Variants in DNHD1 observed in about 807,000 individuals in gnomAD.
DNHD1 encodes the protein dynein heavy chain domain 1.
A neutral mutation model predicts 458.1 loss-of-function variants in DNHD1; 383 were observed. The ratio of observed to expected loss-of-function variants is 0.84; its 90% CI spans 0.77 to 0.91. DNHD1 has a LOEUF of 0.91. DNHD1 is among the 40% of genes least tolerant of loss of function. The pLI is 0.00. For synonymous variants in DNHD1, 2,203 were observed against 2,376.9 expected (o/e 0.93, Z 2.13); for missense variants, 5,336 against 5,866.1 (o/e 0.91, Z 2.95).
At position 6,556,973 on chromosome 11, in the gene DNHD1, G is replaced by T. The variant is rs1239694140; in HGVS notation, c.7678G>T (p.Ala2560Ser). ...FPSVERERAL[A>S]RGLVRASVEA... ...TTCTGTGGAACGGGAGCGTGCTCTG[G>T]CACGAGGTCTGGTTAGGGCCTCAGT... The change falls in exon 25 of 43, where the codon GCA (alanine) becomes TCA (serine). Residue 2560 changes from alanine (A) to serine (S), a missense_variant. Transcript: ENST00000254579. The T allele has an allele frequency of 6.4e-7, 1 of 1,551,592 alleles. No individual in the cohort carries two copies. Among genetic ancestry groups the T allele is most frequent in the East Asian group, 2.4e-5 (1 of 40,922 alleles).
At position 6,564,481 on chromosome 11, in the gene DNHD1, G is replaced by A. The variant is rs1347185393; in HGVS notation, c.10433G>A (p.Gly3478Asp). Residue 3478 changes from glycine to aspartate, a missense_variant, in exon 32 of 43, where the codon GGC becomes GAC. Transcript: ENST00000254579. ...ALCRGFQEALGPDDVAQALKR... is the reference protein window; with the variant it reads ...ALCRGFQEALDPDDVAQALKR... ...TGTAGGGGCTTTCAGGAGGCTCTGG[G>A]CCCAGATGATGTGGCACAGGCACTG... The A allele has an allele frequency of 1.0e-5, 16 of 1,551,548 alleles. No individual in the cohort carries two copies. The highest frequency in any genetic ancestry group is 1.4e-5 in the Non-Finnish European group (16 of 1,146,988).
intron 7 of DNHD1, among the ~76,000 whole-genome samples, chr11:6,512,279 G>A (rs1852355616): frequency 7.5e-6 from 1 of 132,660 alleles, no homozygotes; most frequent in Non-Finnish European, 1.5e-5. Context: ...GGAGTGCAGT[G>A]GCGGGATCTC....
rs192411477 is a variant in DNHD1 at position 6,538,808 on chromosome 11, G to A, written c.3323G>A (p.Arg1108His). The A allele has an allele frequency of 4.1e-4, 612 of 1,504,446 alleles. 8 individuals are homozygous for A. In the East Asian group the frequency reaches 0.014, roughly 35 times the overall value. 93.2% of individuals were successfully genotyped at this position (1,504,446 alleles called of 1,614,324 possible). ...PQSLNCQCLL[R>H]ALGLGSLQTI... ...AGCCTCAACTGCCAGTGTCTCCTGC[G>A]TGGTATGTTTGGTTAATGTCAGAGG... The change falls in exon 16 of 43, where the codon CGT (arginine) becomes CAT (histidine). Residue 1108 changes from arginine to histidine, a missense_variant and splice_region_variant. By Grantham distance (29) the Arg-to-His change is conservative. Around this residue, in one of 4 missense-constraint regions of DNHD1, gnomAD observed 3,932 missense variants for 4,365.6 expected, o/e 0.90. Transcript: ENST00000254579.
intron 7 of DNHD1, among the ~76,000 whole-genome samples, chr11:6,512,444 G>T (rs185632168): frequency 6.6e-6 from 1 of 151,626 alleles, no homozygotes; most frequent in Admixed American, 6.6e-5. Context: ...GGATGGTCTT[G>T]ATCTCCTGAC....
intron 28 of DNHD1, among the ~76,000 whole-genome samples, chr11:6,560,443 A>G (rs1343325498): frequency 2.6e-5 from 4 of 152,240 alleles, no homozygotes; most frequent in Admixed American, 2.0e-4. Context: ...AACAGCTTAG[A>G]TTAGACCTCA....
Position 6,566,261 on chromosome 11 carries a change from A to G in DNHD1, c.11074A>G (p.Asn3692Asp), listed in dbSNP as rs1242866058. Reference protein sequence around the residue: ...AACGLPVLLTNVELGLGCEEL... With the variant: ...AACGLPVLLTDVELGLGCEEL... The stretch of plus-strand genomic sequence containing the variant: ...CACAGGCCTGCCTGTGTTACTGACC[A>G]ATGTGGAGCTGGGTCTAGGGTGCGA... Residue 3692 changes from asparagine (N) to aspartate (D), a missense_variant, in exon 34 of 43, where the codon AAT becomes GAT. Physicochemically the swap from Asn to Asp is conservative, Grantham distance 23. This residue lies in a region of DNHD1 where 695 missense variants were observed against 804.2 expected (regional missense o/e 0.86). Coordinates refer to ENST00000254579, the MANE Select transcript of DNHD1 (RefSeq NM_144666.3). 1 of 1,551,556 alleles carries G rather than the reference A, an allele frequency of 6.4e-7. No homozygotes were observed. Among genetic ancestry groups the G allele is most frequent in the African/African-American group, 1.4e-5 (1 of 73,024 alleles).
chr11:6,546,504 A>G lies in DNHD1; in HGVS notation c.5565A>G (p.Leu1855=). The G allele has an allele frequency of 1.9e-6, 3 of 1,551,036 alleles. No homozygotes were observed. Among genetic ancestry groups the G allele is most frequent in the Non-Finnish European group, 2.6e-6 (3 of 1,146,994 alleles). The change falls in exon 21 of 43, where the codon CTA becomes CTG. Residue 1855 remains leucine, a synonymous_variant. Coordinates refer to ENST00000254579, the MANE Select transcript of DNHD1 (RefSeq NM_144666.3). ...ATGCCTTCCAGATGGCTACCCGCCT[A>G]TCCAAATTCTTCTCTCTAGAGCGTG... ...MRDAFQMATR[L]SKFFSLEREL...
intron 4 of DNHD1, among the ~76,000 whole-genome samples, chr11:6,507,433 T>C (rs1047480353): frequency 5.3e-5 from 8 of 152,250 alleles, no homozygotes; most frequent in African/African-American, 1.7e-4. Context: ...CATAATGCTA[T>C]GTTTAGATAC....
intron 28 of DNHD1, among the ~76,000 whole-genome samples, chr11:6,560,164 A>G (rs1024995447): frequency 3.0e-4 from 45 of 152,194 alleles, no homozygotes; most frequent in African/African-American, 1.1e-3. Flanking sequence ...CAAGATGTTG[A>G]TAAATATTCT....
Position 6,570,951 on chromosome 11 carries a change from C to T in DNHD1, c.13439C>T (p.Pro4480Leu). The T allele has an allele frequency of 1.9e-6, 3 of 1,607,904 alleles. No individual in the cohort carries two copies. Among genetic ancestry groups the T allele is most frequent in the Non-Finnish European group, 2.6e-6 (3 of 1,175,008 alleles). ...GTGCTGGGGCCAAATGCACGGCGGC[C>T]TCTGGAGGGCGTCTTAGAGACCGAG... Reference protein sequence around the residue: ...WSVLGPNARRPLEGVLETEAL... With the variant: ...WSVLGPNARRLLEGVLETEAL... Residue 4480 changes from proline (P) to leucine (L), a missense_variant, in exon 42 of 43, where the codon CCT (proline) becomes CTT (leucine). Pro to Leu is a moderately conservative substitution (Grantham distance 98, BLOSUM62 -3). Around this residue, in one of 4 missense-constraint regions of DNHD1, gnomAD observed 698 missense variants for 664.9 expected, o/e 1.05. Coordinates refer to ENST00000254579, the MANE Select transcript of DNHD1 (RefSeq NM_144666.3).
chr11:6,570,755 A>C lies in DNHD1; in HGVS notation c.13243A>C (p.Ser4415Arg), dbSNP rs570987855. Residue 4415 changes from serine to arginine, a missense_variant, in exon 42 of 43, where the codon AGT becomes CGT. This residue lies in a region of DNHD1 where 698 missense variants were observed against 664.9 expected (regional missense o/e 1.05). Transcript: ENST00000254579. ...GCGACGCCAGAGTCGCGCTCTCTTG[A>C]GTGCGCTGCAGCGGAGTTCACCCGT... is the stretch of plus-strand genomic sequence containing the variant. ...LLRRQSRALL[S>R]ALQRSSPVWV... The C allele has an allele frequency of 6.2e-7, 1 of 1,612,288 alleles. No homozygotes were observed. The highest frequency in any genetic ancestry group is 1.1e-5 in the South Asian group (1 of 90,798).
rs761096741 is a variant in DNHD1 at position 6,533,059 on chromosome 11, C to T, written c.2380C>T (p.Leu794Phe). 1 of 1,551,584 alleles carries T rather than the reference C, an allele frequency of 6.4e-7. No individual in the cohort carries two copies. Among genetic ancestry groups the T allele is most frequent in the South Asian group, 1.2e-5 (1 of 84,064 alleles). The change falls in exon 13 of 43, where the codon CTT becomes TTT. Residue 794 changes from leucine (L) to phenylalanine (F), a missense_variant. By Grantham distance (22) the Leu-to-Phe change is conservative. This residue lies in a region of DNHD1 where 3,932 missense variants were observed against 4,365.6 expected (regional missense o/e 0.90). Coordinates refer to ENST00000254579, the MANE Select transcript of DNHD1 (RefSeq NM_144666.3). ...SKLNSIRKDI[L>F]AHVQNECWNL... ...GCTGAACAGCATAAGGAAGGACATT[C>T]TTGCACACGTGCAAAATGAGTGCTG... is the stretch of plus-strand genomic sequence containing the variant.
intron 7 of DNHD1, among the ~76,000 whole-genome samples, chr11:6,514,532 C>A (rs939134581): frequency 6.0e-5 from 9 of 150,580 alleles, no homozygotes; most frequent in African/African-American, 2.2e-4. Context: ...TCCCTTCCTC[C>A]CTTTTTCTCT....
In DNHD1 at chr11:6,559,240, A is replaced by G. The variant is rs1853533960; in HGVS notation, c.9476A>G (p.Asn3159Ser). ...ATTAAGGAGCACGGTACCCATGCCA[A>G]TCTGATCTTTGACTTGGAACAGCAG... ...MLIKEHGTHA[N>S]LIFDLEQQLK... is the part of the protein sequence containing the mutation. Residue 3159 changes from asparagine (N) to serine (S), a missense_variant, in exon 28 of 43, where the codon AAT (asparagine) becomes AGT (serine). Coordinates refer to ENST00000254579, the MANE Select transcript of DNHD1 (RefSeq NM_144666.3). The G allele has an allele frequency of 6.4e-7, 1 of 1,551,702 alleles. No homozygotes were observed. Among genetic ancestry groups the G allele is most frequent in the Non-Finnish European group, 8.7e-7 (1 of 1,146,986 alleles).
At position 6,571,990 on chromosome 11, in the gene DNHD1, C is replaced by G; in HGVS notation, c.*4C>G. The G allele has an allele frequency of 6.3e-7, 1 of 1,591,464 alleles. No homozygotes were observed. The highest frequency in any genetic ancestry group is 8.6e-7 in the Non-Finnish European group (1 of 1,164,990). Reference sequence around the variant, plus strand: ...GTGCAGCCCACCCCTGTCTTGAGCCCGTCTACCAAAATAAAGTTGTAGTGA... The same window carrying G: ...GTGCAGCCCACCCCTGTCTTGAGCCGGTCTACCAAAATAAAGTTGTAGTGA... On this transcript the variant is annotated 3_prime_UTR_variant, in exon 43 of 43. Coordinates refer to ENST00000254579, the MANE Select transcript of DNHD1 (RefSeq NM_144666.3). This position sits in a 1 kb window ranked among gnomAD's most constrained non-coding sequence, Gnocchi z 5.0.
At chr11:6,507,255 A>G (rs928614581) in intron 4 of DNHD1, among the ~76,000 whole-genome samples, 6 of 152,132 alleles carry the variant, frequency 3.9e-5, no homozygotes, top group African/African-American at 1.4e-4. Flanking sequence ...TTTTTCTTGA[A>G]CACTGCTGTA....
chr11:6,556,598 C>T (rs966924394), intron 24 of DNHD1, 85 bp from the exon 25 acceptor site: 10 of 1,319,786 alleles, frequency 7.6e-6, no homozygotes, highest in East Asian at 5.1e-5. Flanking sequence ...CCTTTAGAAC[C>T]GTGTGTGGCA....
At position 6,558,642 on chromosome 11, in the gene DNHD1, A is replaced by G; in HGVS notation, c.9160A>G (p.Lys3054Glu). ...ACCCTGGGACCAAGCTGCCCTGGCC[A>G]AGGTGGCCCAGCATCACCTGGAGGG... is the stretch of plus-strand genomic sequence containing the variant. ...YEPWDQAALA[K>E]VAQHHLEGAQ... Residue 3054 changes from lysine (K) to glutamate (E), a missense_variant, in exon 26 of 43, where the codon AAG (lysine) becomes GAG (glutamate). Around this residue, in one of 4 missense-constraint regions of DNHD1, gnomAD observed 3,932 missense variants for 4,365.6 expected, o/e 0.90. Transcript: ENST00000254579. The G allele has an allele frequency of 1.9e-6, 3 of 1,551,578 alleles. No individual in the cohort carries two copies. Among genetic ancestry groups the G allele is most frequent in the Non-Finnish European group, 1.7e-6 (2 of 1,147,004 alleles).
At chr11:6,506,090 AG>A (rs145527637) in intron 4 of DNHD1, among the ~76,000 whole-genome samples, 65,985 of 152,022 alleles carry the variant, frequency 0.43, 15,192 homozygotes, top group Non-Finnish European at 0.52. Context: ...GATCTGCCAA[AG>A]AAGGAAACCC....
Sources: allele counts gnomAD v4.1 joint callset (sites outside exome capture counted in the v4.1 genomes callset), GRCh38; gene constraint gnomAD v4.1.1; regional missense constraint gnomAD v4.1.1; non-coding constraint Gnocchi (gnomAD v3.1); transcripts MANE v1.5; gene names NCBI Gene and HGNC (gene_info 2026-07-23, HGNC 2026-07-21).